AK6: variants seen among roughly 807,000 people sequenced by gnomAD.
AK6 encodes adenylate kinase 6.
AK6 carries 24 observed loss-of-function variants against 23.7 expected under a neutral mutation model. The ratio of observed to expected loss-of-function variants is 1.01; its 90% confidence interval spans 0.73 to 1.43. The LOEUF (loss-of-function observed/expected upper bound fraction) is 1.43. AK6 is among the 40% of genes most tolerant of loss of function. AK6 has a pLI of 0.00. For synonymous variants in AK6, 73 were observed against 69.8 expected (o/e 1.05, Z -0.23); for missense variants, 191 against 199.1 (o/e 0.96, Z 0.24).
At chr5:69,354,402 A>G (rs1762028442) in intron 4 of AK6, among the ~76,000 whole-genome samples, 1 of 152,182 alleles carries the variant, frequency 6.6e-6, no homozygotes, top group Non-Finnish European at 1.5e-5. Context: ...GCAAGGATTT[A>G]CAAGTATTGC....
intron 2 of AK6, among the ~76,000 whole-genome samples, chr5:69,361,098 G>T (rs774609845): frequency 7.2e-5 from 11 of 152,294 alleles, no homozygotes; most frequent in Non-Finnish European, 8.8e-5. Context: ...AAGTGAGGAG[G>T]AGTCTTGAGA....
At chr5:69,357,057 C>A (rs1250231947) in intron 2 of AK6, among the ~76,000 whole-genome samples, 6 of 152,144 alleles carry the variant, frequency 3.9e-5, no homozygotes, top group African/African-American at 1.2e-4. Flanking sequence ...ATATAGCAGT[C>A]TTCCCACCTC....
chr5:69,367,640 C>T (rs1179711954), intron 1 of AK6, among the ~76,000 whole-genome samples: 1 of 152,054 alleles, frequency 6.6e-6, no homozygotes, highest in Non-Finnish European at 1.5e-5. Context: ...AGAGCCTTTA[C>T]CTCCTGGGCT....
At chr5:69,360,828 G>A (rs1762213120) in intron 2 of AK6, among the ~76,000 whole-genome samples, 1 of 152,144 alleles carries the variant, frequency 6.6e-6, no homozygotes, top group East Asian at 1.9e-4. Context: ...TTGCAAGCTA[G>A]TCTTTAGCTC....
intron 2 of AK6, chr5:69,365,414 CT>C: frequency 6.2e-7 from 1 of 1,614,174 alleles, no homozygotes; most frequent in Non-Finnish European, 8.5e-7. Flanking sequence ...CTGAATATGG[CT>C]TGATCAATGG....
Position 69,352,387 on chromosome 5 carries a change from G to A in AK6, c.327-134C>T, listed in dbSNP as rs565641757. ...AAATGGTCTCTTCACCTAGAGAGGA[G>A]TGACTGGTACCTGTTTATATGACAC... is the stretch of plus-strand genomic sequence containing the variant. On this transcript the variant is annotated intron_variant, in intron 4 of 4. Transcript: ENST00000380822. 1.1e-4 allele frequency: 67 copies of A among 630,100 alleles called. 1 individual carries two copies. In the East Asian group the frequency reaches 1.1e-3, roughly 11 times the overall value. 39.0% of individuals were successfully genotyped at this position (630,100 alleles called of 1,614,324 possible).
At chr5:69,367,052 C>T (rs1211496593) in intron 1 of AK6, among the ~76,000 whole-genome samples, 1 of 152,042 alleles carries the variant, frequency 6.6e-6, no homozygotes, top group Non-Finnish European at 1.5e-5. Flanking sequence ...AGCCACCATG[C>T]CTGGCCATAT....
At chr5:69,369,344 G>T in intron 1 of AK6, 119 bp downstream of exon 1, 1 of 1,110,318 alleles carries the variant, frequency 9.0e-7, no homozygotes, top group Non-Finnish European at 1.2e-6. Flanking sequence ...ACCGCCTCGT[G>T]GCCCTCGGCC....
intron 4 of AK6, 94 bp downstream of exon 4, chr5:69,355,555 A>C (rs982733883): frequency 5.1e-5 from 69 of 1,347,796 alleles, no homozygotes; most frequent in Non-Finnish European, 6.4e-5. Context: ...ACAAAACAAA[A>C]CAAACAACAA....
At chr5:69,369,589 A>G (rs1386656037), upstream of AK6, 1 of 1,597,994 alleles carries the variant, frequency 6.3e-7, no homozygotes, top group African/African-American at 1.3e-5. Context: ...CCACGGCCCC[A>G]AAGGCCCCGA....
At chr5:69,355,815 A>C (rs1397678688) in intron 3 of AK6, 21 bp from the exon 4 acceptor site, 1 of 1,594,844 alleles carries the variant, frequency 6.3e-7, no homozygotes, top group Admixed American at 1.8e-5. Context: ...AGTTTAAAAA[A>C]AAATGCTTCT....
chr5:69,355,705 A>G lies in AK6; in HGVS notation c.270T>C (p.His90=), dbSNP rs936458119. The part of the protein sequence containing the change: ...GCDFFPERWF[H]IVFVLRTDTN... The stretch of plus-strand genomic sequence containing the variant: ...TATCTGTTCTCAGCACAAAAACTAT[A>G]TGAAACCAGCGTTCAGGGAAGAAAT... Residue 90 remains histidine (H), a synonymous_variant, in exon 4 of 5, where the codon CAT becomes CAC. Transcript: ENST00000380822. 2 of 1,613,992 alleles carry G rather than the reference A, an allele frequency of 1.2e-6. No individual in the cohort carries two copies. The highest frequency in any genetic ancestry group is 2.2e-5 in the East Asian group (1 of 44,864).
intron 2 of AK6, chr5:69,365,568 T>C: frequency 6.2e-7 from 1 of 1,614,074 alleles, no homozygotes. Context: ...ATGGCTTGAA[T>C]AAATTTTTGC....
In AK6 at chr5:69,364,571, C is replaced by T. The variant is rs969033262; in HGVS notation, c.121+1932G>A. 7.2e-5 allele frequency among the ~76,000 whole-genome samples: 11 copies of T among 152,164 alleles called. No individual in the cohort carries two copies. The East Asian group carries it at 1.9e-3, about 27-fold the overall frequency. ...GAGAACAGATCACAAGAGTGACGTA[C>T]ACACCAGAGATCATACTATGATCTA... On this transcript the variant is annotated intron_variant, in intron 2 of 4. Transcript: ENST00000380822.
chr5:69,355,050 C>T (rs890859665), intron 4 of AK6, among the ~76,000 whole-genome samples: 22 of 152,160 alleles, frequency 1.4e-4, no homozygotes, highest in South Asian at 4.2e-4. Context: ...AGCATGGTCT[C>T]GATGTCCTGA....
At chr5:69,369,540 T>C (rs374127732), upstream of AK6, 5 of 1,610,552 alleles carry the variant, frequency 3.1e-6, no homozygotes, top group African/African-American at 4.0e-5. Context: ...CCCTTTGCTC[T>C]ACAGGGAGGA....
chr5:69,364,621 C>A, intron 2 of AK6: 1 of 410,232 alleles, frequency 2.4e-6, no homozygotes, highest in South Asian at 2.9e-5. Context: ...TTTAAGGTGA[C>A]ACTCTAGTGG....
chr5:69,359,548 C>CA (rs1762174139), intron 2 of AK6, among the ~76,000 whole-genome samples: 1 of 152,098 alleles, frequency 6.6e-6, no homozygotes, highest in Non-Finnish European at 1.5e-5. Flanking sequence ...CCAGGCCCCA[C>CA]AAAATTTTTT....
At chr5:69,360,740 A>G (rs1481102649) in intron 2 of AK6, among the ~76,000 whole-genome samples, 1 of 152,140 alleles carries the variant, frequency 6.6e-6, no homozygotes, top group Non-Finnish European at 1.5e-5. Context: ...AAGGGGAGAG[A>G]AAAATGGGAT....
Sources: gnomAD v4.1 joint callset for allele counts (sites outside exome capture counted in the v4.1 genomes callset) on GRCh38, gnomAD v4.1.1 for gene constraint, MANE v1.5 for transcripts, NCBI Gene and HGNC (gene_info 2026-07-23, HGNC 2026-07-21) for gene names.